NCALD: variants seen among roughly 807,000 people sequenced by gnomAD.
NCALD encodes neurocalcin delta.
A neutral mutation model predicts 18.6 loss-of-function variants in NCALD; 10 were observed. That is an observed-to-expected ratio of 0.54 (90% CI 0.33 to 0.91). The LOEUF (loss-of-function observed/expected upper bound fraction) is 0.91, where lower values mean the gene tolerates loss of function less well. Among genes scored for constraint, NCALD ranks in the 40% least tolerant of loss-of-function variants. The pLI, the probability that NCALD is intolerant of heterozygous loss-of-function variation, is 0.03. For missense variants in NCALD, 184 were observed against 247.6 expected, an observed-to-expected ratio of 0.74 and a Z score of 1.72; for synonymous variants, 88 against 87.4, an observed-to-expected ratio of 1.01 and a Z score of -0.04.
intron 3 of NCALD, among the ~76,000 whole-genome samples, chr8:101,894,089 C>T (rs2131528680): frequency 6.8e-6 from 1 of 146,272 alleles, no homozygotes; most frequent in East Asian, 1.9e-4. Context: ...ACACCTATTC[C>T]AAAATTGACC....
At chr8:101,933,244 G>A (rs1433995159) in intron 2 of NCALD, among the ~76,000 whole-genome samples, 1 of 152,300 alleles carries the variant, frequency 6.6e-6, no homozygotes, top group East Asian at 1.9e-4. Context: ...ATTAAGTTAA[G>A]GATCTTGAGA....
intron 1 of NCALD, among the ~76,000 whole-genome samples, chr8:102,073,581 AAT>A (rs1268101668): frequency 1.3e-5 from 2 of 152,100 alleles, no homozygotes; most frequent in South Asian, 2.1e-4. Context: ...AACAAAACAA[AAT>A]ATATATTATT....
At chr8:101,817,878 G>A (rs1813561963) in intron 4 of NCALD, among the ~76,000 whole-genome samples, 1 of 152,172 alleles carries the variant, frequency 6.6e-6, no homozygotes, top group East Asian at 1.9e-4. Flanking sequence ...CACAGGTGTG[G>A]AATAATCAGA....
intron 3 of NCALD, among the ~76,000 whole-genome samples, chr8:101,897,456 T>G (rs1342338754): frequency 6.6e-6 from 1 of 150,710 alleles, no homozygotes; most frequent in Admixed American, 6.6e-5. Flanking sequence ...GCATGGCACA[T>G]GTATACATAT....
intron 4 of NCALD, among the ~76,000 whole-genome samples, chr8:101,845,114 G>A (rs1328714124): frequency 2.6e-5 from 4 of 152,306 alleles, no homozygotes; most frequent in Middle Eastern, 3.4e-3. Flanking sequence ...GGGAGCCAGG[G>A]GCAGTGCCAC....
chr8:101,808,857 C>T (rs1282915586), intron 4 of NCALD, among the ~76,000 whole-genome samples: 1 of 151,948 alleles, frequency 6.6e-6, no homozygotes, highest in Non-Finnish European at 1.5e-5. Flanking sequence ...TTCAAGGCTA[C>T]ATTGCTTTTC....
rs191381353 is a variant in NCALD at position 101,961,552 on chromosome 8, T to C, written c.-156-45694A>G. ...TAAGCAGCATCTCTGAAAGGCTGACTGTGGTACTGCTGGGGTATTTTGGAT... is the reference window on the plus strand; with the variant it reads ...TAAGCAGCATCTCTGAAAGGCTGACCGTGGTACTGCTGGGGTATTTTGGAT... On this transcript the variant is annotated intron_variant, in intron 2 of 6. Coordinates refer to the NCALD transcript ENST00000311028. Among the ~76,000 whole-genome samples, 251 of 152,290 alleles carry C rather than the reference T, an allele frequency of 1.6e-3. 3 individuals carry two copies. The highest frequency in any genetic ancestry group is 5.3e-3 in the African/African-American group (220 of 41,586).
chr8:101,889,772 T>C (rs564826540), intron 3 of NCALD, among the ~76,000 whole-genome samples: 54 of 152,316 alleles, frequency 3.5e-4, no homozygotes, highest in African/African-American at 1.2e-3. Context: ...TCCTTGACTT[T>C]CTCATCCACC....
chr8:101,789,187 T>A (rs1812355310), intron 1 of NCALD, among the ~76,000 whole-genome samples: 1 of 152,186 alleles, frequency 6.6e-6, no homozygotes, highest in Admixed American at 6.5e-5. Context: ...TCATCAAAGA[T>A]AGTGCTGTTA....
intron 3 of NCALD, among the ~76,000 whole-genome samples, chr8:101,888,377 A>C (rs1816749379): frequency 6.6e-6 from 1 of 152,126 alleles, no homozygotes; most frequent in Non-Finnish European, 1.5e-5. Context: ...AAGGCTCTAT[A>C]TTTAGCTGGA....
At chr8:101,953,378 C>A (rs1217145852) in intron 2 of NCALD, among the ~76,000 whole-genome samples, 1 of 152,204 alleles carries the variant, frequency 6.6e-6, no homozygotes, top group Non-Finnish European at 1.5e-5. Context: ...CTGTTAGGAC[C>A]TGACCTTATG....
intron 1 of NCALD, chr8:101,750,034 G>C (rs1810587326): frequency 6.6e-6 from 1 of 152,452 alleles, no homozygotes; most frequent in African/African-American, 2.4e-5. Flanking sequence ...GAGGCCTCAG[G>C]AAACTTACAA....
At chr8:101,692,283 A>T (rs1776756059) in intron 3 of NCALD, 3 of 985,228 alleles carry the variant, frequency 3.0e-6, no homozygotes, top group Non-Finnish European at 3.6e-6. Flanking sequence ...TACCCCGGGC[A>T]CCCCAGTGAC....
chr8:101,721,915 C>A (rs897535055), intron 1 of NCALD, among the ~76,000 whole-genome samples: 1 of 151,662 alleles, frequency 6.6e-6, no homozygotes, highest in African/African-American at 2.4e-5. Flanking sequence ...AATCATGGCC[C>A]ACTGCAGCCT....
chr8:101,867,921 A>T (rs1456220352), intron 4 of NCALD, among the ~76,000 whole-genome samples: 1 of 152,338 alleles, frequency 6.6e-6, no homozygotes, highest in East Asian at 1.9e-4. Flanking sequence ...GGTCAGTTGC[A>T]AATTGAAGGG....
intron 2 of NCALD, among the ~76,000 whole-genome samples, chr8:101,994,232 G>C (rs2131995982): frequency 6.6e-6 from 1 of 152,256 alleles, no homozygotes; most frequent in Middle Eastern, 3.4e-3. Context: ...GAGGTATTGG[G>C]AAGAGAAGCA....
rs572337217 is a variant in NCALD, at chr8:101,688,919, A to G, written c.*390T>C. On this transcript the variant is annotated 3_prime_UTR_variant, in exon 4 of 4. Transcript: ENST00000220931. ...CGTGTGACAACAGATTCAGGTGGGG[A>G]GTTTTGTCTTTCAAACAAAAGCCCC... 17 of 625,666 alleles carry G rather than the reference A, an allele frequency of 2.7e-5. No homozygotes were observed. The highest frequency in any genetic ancestry group is 4.0e-4 in the Middle Eastern group (1 of 2,478). The allele number at this position is 625,666 out of a possible 1,614,324, so 38.8% of individuals were successfully genotyped here.
chr8:101,964,371 T>C (rs148930477), intron 2 of NCALD, among the ~76,000 whole-genome samples: 1 of 152,320 alleles, frequency 6.6e-6, no homozygotes, highest in Non-Finnish European at 1.5e-5. Context: ...ATTTCATTGG[T>C]GTAATCCAAC....
intron 1 of NCALD, among the ~76,000 whole-genome samples, chr8:102,063,206 G>T (rs1459770613): frequency 6.6e-6 from 1 of 152,130 alleles, no homozygotes; most frequent in Non-Finnish European, 1.5e-5. Context: ...ATACGGTGCC[G>T]ACTGCAATGG....
Sources: gnomAD v4.1 joint callset for allele counts (sites outside exome capture counted in the v4.1 genomes callset) on GRCh38, gnomAD v4.1.1 for gene constraint, MANE v1.5 for transcripts, NCBI Gene and HGNC (gene_info 2026-07-23, HGNC 2026-07-21) for gene names.